The following GRM1 variants were observed in gnomAD, a reference collection of about 807,000 sequenced individuals.
The protein encoded by GRM1 is glutamate metabotropic receptor 1.
A neutral mutation model predicts 90.9 loss-of-function variants in GRM1; 33 were observed. That is an observed-to-expected ratio of 0.36 (90% CI 0.28 to 0.49). The LOEUF (loss-of-function observed/expected upper bound fraction) is 0.49. GRM1 is among the 20% of genes least tolerant of loss of function. The pLI is 0.99. For synonymous variants in GRM1, 700 were observed against 613.2 expected, an observed-to-expected ratio of 1.14 and a Z score of -2.09; for missense variants, 1,190 against 1,534.3, an observed-to-expected ratio of 0.78 and a Z score of 3.75.
intron 1 of GRM1, among the ~76,000 whole-genome samples, chr6:146,049,781 T>C (rs996629207): frequency 3.3e-5 from 5 of 151,810 alleles, no homozygotes; most frequent in African/African-American, 1.2e-4. Flanking sequence ...ACGATGGCAG[T>C]ACCATGGAGT....
chr6:146,304,693 C>T lies in GRM1; in HGVS notation c.1033C>T (p.Pro345Ser), dbSNP rs1279453638. The T allele has an allele frequency of 6.2e-7, 1 of 1,613,778 alleles. No individual in the cohort carries two copies. Among genetic ancestry groups the T allele is most frequent in the Admixed American group, 1.7e-5 (1 of 59,954 alleles). The change falls in exon 3 of 8, where the codon CCA (proline) becomes TCA (serine). Residue 345 changes from proline (P) to serine (S), a missense_variant. By Grantham distance (74) the Pro-to-Ser change is moderately conservative (BLOSUM62 -1). Coordinates refer to ENST00000282753, the MANE Select transcript of GRM1 (RefSeq NM_001278064.2). ...GGGAATCACGATAAAGCTGCAGTCTCCAGAGGTCAGGTCATTTGATGATTA... is the reference window on the plus strand; with the variant it reads ...GGGAATCACGATAAAGCTGCAGTCTTCAGAGGTCAGGTCATTTGATGATTA... ...NGGITIKLQS[P>S]EVRSFDDYFL...
intron 3 of GRM1, among the ~76,000 whole-genome samples, chr6:146,315,080 G>A (rs918076631): frequency 2.6e-5 from 4 of 152,160 alleles, no homozygotes; most frequent in African/African-American, 9.7e-5. Flanking sequence ...GCACTGGGGA[G>A]TTATATTTTA....
chr6:146,232,417 C>T (rs573501780), intron 2 of GRM1, among the ~76,000 whole-genome samples: 2 of 151,908 alleles, frequency 1.3e-5, no homozygotes, highest in Non-Finnish European at 2.9e-5. Flanking sequence ...ATAGTAGATG[C>T]ATATATTTAT....
Position 146,159,637 on chromosome 6 carries a change from T to TCACA in GRM1, c.950+41_950+42insACAC, listed in dbSNP as rs769985293. On this transcript the variant is annotated intron_variant, in intron 2 of 7. Transcript: ENST00000282753. Reference sequence around the variant, plus strand: ...CTCTCTCTCTCTCTCTCTCTCTCTCTCTCTCACACACACACATGCACACAC... The same window carrying TCACA: ...CTCTCTCTCTCTCTCTCTCTCTCTCTCACACTCTCACACACACACATGCACACAC... 1.2e-3 allele frequency: 1,452 copies of TCACA among 1,260,364 alleles called. 5 individuals carry two copies. In the African/African-American group the frequency reaches 0.023, roughly 20 times the overall value. The allele number at this position is 1,260,364 out of a possible 1,614,324, so 78.1% of individuals were successfully genotyped here.
At chr6:146,130,711 C>T (rs1488691807) in intron 1 of GRM1, among the ~76,000 whole-genome samples, 1 of 152,032 alleles carries the variant, frequency 6.6e-6, no homozygotes, top group Non-Finnish European at 1.5e-5. Context: ...AAAGGAGACA[C>T]CTAATTTTTG....
At chr6:146,239,616 TGAAA>T (rs1221740134) in intron 2 of GRM1, among the ~76,000 whole-genome samples, 3 of 152,130 alleles carry the variant, frequency 2.0e-5, no homozygotes, top group Non-Finnish European at 4.4e-5. Flanking sequence ...TACTAGAACC[TGAAA>T]GAAAGAAGGA....
At chr6:146,324,756 CCTGT>C (rs1360008198) in intron 3 of GRM1, among the ~76,000 whole-genome samples, 2 of 152,166 alleles carry the variant, frequency 1.3e-5, no homozygotes, top group African/African-American at 4.8e-5. Context: ...GGCTGCACCC[CCTGT>C]CTAACCAGCC....
chr6:146,175,625 T>C (rs762249476), intron 2 of GRM1, among the ~76,000 whole-genome samples: 2 of 152,126 alleles, frequency 1.3e-5, no homozygotes, highest in Non-Finnish European at 2.9e-5. Flanking sequence ...ACAATACACA[T>C]AAATACAAAT....
At chr6:146,163,893 C>A (rs1410109991) in intron 2 of GRM1, among the ~76,000 whole-genome samples, 1 of 152,016 alleles carries the variant, frequency 6.6e-6, no homozygotes, top group Non-Finnish European at 1.5e-5. Context: ...CTCATTTAAC[C>A]TCTTTTCCAG....
chr6:146,088,769 G>A (rs1031452236), intron 1 of GRM1, among the ~76,000 whole-genome samples: 3 of 152,034 alleles, frequency 2.0e-5, no homozygotes, highest in African/African-American at 4.8e-5. Flanking sequence ...AGCTGCCCCC[G>A]TGCCTCTGGC....
chr6:146,326,213 C>T (rs1383673264), intron 3 of GRM1, among the ~76,000 whole-genome samples: 1 of 152,004 alleles, frequency 6.6e-6, no homozygotes, highest in East Asian at 1.9e-4. Flanking sequence ...AGATAGATTG[C>T]ATAAAGAAAA....
chr6:146,268,639 T>G (rs1276028034), intron 2 of GRM1, among the ~76,000 whole-genome samples: 1 of 152,154 alleles, frequency 6.6e-6, no homozygotes, highest in Non-Finnish European at 1.5e-5. Flanking sequence ...CCACCATGAG[T>G]CAGCTCACAT....
rs41305288 is a variant in GRM1 at position 146,399,224 on chromosome 6, C to G, written c.2185C>G (p.Pro729Ala). The change falls in exon 7 of 8, where the codon CCC (proline) becomes GCC (alanine). Residue 729 changes from proline to alanine, a missense_variant. Physicochemically the swap from Pro to Ala is conservative, Grantham distance 27. Coordinates refer to ENST00000282753, the MANE Select transcript of GRM1 (RefSeq NM_001278064.2). This position sits in a 1 kb window ranked among gnomAD's most constrained non-coding sequence, Gnocchi z 5.4. ...GGTGGTAACCCTGATCATCATGGAA[C>G]CCCCTATGCCCATTCTGTCCTACCC... Reference protein sequence around the residue: ...TLVVTLIIMEPPMPILSYPSI... With the variant: ...TLVVTLIIMEAPMPILSYPSI... 1.2e-6 allele frequency: 2 copies of G among 1,613,846 alleles called. No homozygotes were observed. The highest frequency in any genetic ancestry group is 1.1e-5 in the South Asian group (1 of 91,064).
At chr6:146,253,478 C>T (rs1289753245) in intron 2 of GRM1, among the ~76,000 whole-genome samples, 2 of 152,022 alleles carry the variant, frequency 1.3e-5, no homozygotes, top group Non-Finnish European at 2.9e-5. Flanking sequence ...ATTTCTTATT[C>T]GTTAACATTG....
chr6:146,355,375 G>C (rs1296779475), intron 4 of GRM1, among the ~76,000 whole-genome samples: 1 of 152,128 alleles, frequency 6.6e-6, no homozygotes, highest in Non-Finnish European at 1.5e-5. Context: ...CTAGCAACTG[G>C]GGGCTAATAA....
Position 146,247,575 on chromosome 6 carries a change from C to T in GRM1, c.951-57036C>T, listed in dbSNP as rs571288926. ...ACCAGCCTGGCCAACATGGTGAAAC[C>T]CTGACTCTAGTAAAGATACAAAAAT... On this transcript the variant is annotated intron_variant, in intron 2 of 7. Transcript: ENST00000282753. 1.7e-4 allele frequency among the ~76,000 whole-genome samples: 26 copies of T among 151,648 alleles called. No homozygotes were observed. In the South Asian group the frequency reaches 5.0e-3, roughly 29 times the overall value.
intron 2 of GRM1, among the ~76,000 whole-genome samples, chr6:146,261,528 T>G (rs1434287009): frequency 6.6e-6 from 1 of 152,168 alleles, no homozygotes; most frequent in Non-Finnish European, 1.5e-5. Flanking sequence ...TAATTCTGAC[T>G]GTAAACCATT....
At chr6:146,388,378 A>AT (rs1370472608) in intron 6 of GRM1, among the ~76,000 whole-genome samples, 1 of 152,000 alleles carries the variant, frequency 6.6e-6, no homozygotes, top group African/African-American at 2.4e-5. Flanking sequence ...ATGGTTGGAC[A>AT]TTTTTTTACT....
chr6:146,332,605 C>T (rs1324038887), intron 3 of GRM1, among the ~76,000 whole-genome samples: 1 of 152,184 alleles, frequency 6.6e-6, no homozygotes, highest in Non-Finnish European at 1.5e-5. Flanking sequence ...GGAATTTGCC[C>T]ACTTGAATAA....
Sources: allele counts gnomAD v4.1 joint callset (sites outside exome capture counted in the v4.1 genomes callset), GRCh38; gene constraint gnomAD v4.1.1; non-coding constraint Gnocchi (gnomAD v3.1); transcripts MANE v1.5; gene names NCBI Gene and HGNC (gene_info 2026-07-23, HGNC 2026-07-21).